SNX27: variants seen among roughly 807,000 people sequenced by gnomAD.
SNX27 encodes the protein sorting nexin-27.
SNX27 carries 22 observed loss-of-function variants against 71.6 expected under a neutral mutation model. The ratio of observed to expected loss-of-function variants is 0.31; its 90% confidence interval spans 0.22 to 0.44. SNX27 has a LOEUF of 0.44. SNX27 is among the 20% of genes least tolerant of loss of function. SNX27 has a pLI of 1.00. For missense variants in SNX27, 531 were observed against 698.6 expected (o/e 0.76, Z 2.70); for synonymous variants, 269 against 277.2 (o/e 0.97, Z 0.29).
At chr1:151,636,287 G>A (rs2102627914) in intron 1 of SNX27, among the ~76,000 whole-genome samples, 1 of 152,220 alleles carries the variant, frequency 6.6e-6, no homozygotes, top group African/African-American at 2.4e-5. Flanking sequence ...TTTTGTTTTG[G>A]TATTTAAGAT....
intron 2 of SNX27, among the ~76,000 whole-genome samples, chr1:151,643,206 C>T (rs76095458): frequency 4.0e-5 from 6 of 151,790 alleles, no homozygotes; most frequent in Non-Finnish European, 7.4e-5. Flanking sequence ...TCAAGTGATC[C>T]GCCCGCCTCG....
intron 2 of SNX27, among the ~76,000 whole-genome samples, chr1:151,654,121 G>C (rs868495768): frequency 1.3e-5 from 2 of 152,148 alleles, no homozygotes; most frequent in Non-Finnish European, 2.9e-5. Context: ...GTGAGCCACC[G>C]TGCCCGGCCG....
chr1:151,626,699 C>CTAAA (rs71090202), intron 1 of SNX27, among the ~76,000 whole-genome samples: 1,726 of 151,010 alleles, frequency 0.011, 21 homozygotes, highest in African/African-American at 0.034. Context: ...AAGACTCCGT[C>CTAAA]TAAATAAATA....
At chr1:151,676,062 G>A (rs1216197884) in intron 7 of SNX27, 2 of 150,346 alleles carry the variant, frequency 1.3e-5, no homozygotes, top group Non-Finnish European at 3.0e-5. Flanking sequence ...GAACTCCTGG[G>A]CTCAGGCAAT....
chr1:151,658,007 A>C (rs1174521276), intron 2 of SNX27, among the ~76,000 whole-genome samples: 3 of 152,082 alleles, frequency 2.0e-5, no homozygotes, highest in South Asian at 2.1e-4. Flanking sequence ...TCTCAAAAAA[A>C]CCCCAAAAAA....
chr1:151,648,057 T>C (rs888340687), intron 2 of SNX27, among the ~76,000 whole-genome samples: 1 of 152,134 alleles, frequency 6.6e-6, no homozygotes, highest in Non-Finnish European at 1.5e-5. Flanking sequence ...TTTTTTGTTT[T>C]TTGTTTTTGT....
intron 2 of SNX27, among the ~76,000 whole-genome samples, chr1:151,655,776 A>G (rs1196463): frequency 0.94 from 143,333 of 152,286 alleles, 67,957 homozygotes; most frequent in Non-Finnish European, 0.99. Flanking sequence ...AGATTGTTCT[A>G]TAAATGGAGA....
chr1:151,667,200 G>C (rs1014074026), intron 6 of SNX27: 1 of 121,190 alleles, frequency 8.3e-6, no homozygotes, highest in Non-Finnish European at 1.6e-5. Flanking sequence ...AGTGAGCTAT[G>C]ATTGTGCTAC....
intron 2 of SNX27, among the ~76,000 whole-genome samples, chr1:151,641,471 T>C (rs766428888): frequency 2.0e-5 from 3 of 151,590 alleles, no homozygotes; most frequent in Non-Finnish European, 4.4e-5. Context: ...GTGTGCTTAA[T>C]GGGCATTCAT....
At position 151,675,418 on chromosome 1, in the gene SNX27, A is replaced by C. The variant is rs563318185; in HGVS notation, c.1149+6783A>C. Among the ~76,000 whole-genome samples the C allele has an allele frequency of 1.2e-4, 18 of 152,216 alleles. No homozygotes were observed. In the East Asian group the frequency reaches 2.9e-3, roughly 24 times the overall value. Reference sequence around the variant, plus strand: ...GGATGTATAATTTTTACATAGTTATAATTCTAATACAGATACAACCTTTTT... The same window carrying C: ...GGATGTATAATTTTTACATAGTTATCATTCTAATACAGATACAACCTTTTT... On this transcript the variant is annotated intron_variant, in intron 7 of 11. Transcript: ENST00000458013.
intron 2 of SNX27, among the ~76,000 whole-genome samples, chr1:151,643,031 T>C (rs945976437): frequency 1.3e-5 from 2 of 152,140 alleles, no homozygotes; most frequent in African/African-American, 4.8e-5. Context: ...CGGCGTGATC[T>C]TGGCTCACTG....
intron 5 of SNX27, among the ~76,000 whole-genome samples, chr1:151,663,214 G>A (rs920557932): frequency 1.2e-4 from 18 of 150,460 alleles, no homozygotes; most frequent in East Asian, 1.2e-3. Context: ...GCAGTGGTGC[G>A]ATCTTGGCTC....
chr1:151,694,678 A>G lies in SNX27; in HGVS notation c.*261A>G, dbSNP rs1180126221. ...AGAAATAAGCCCAACCAACTTGCCA[A>G]AGGTATCTTTGTCCTTTCACCTGGG... On this transcript the variant is annotated 3_prime_UTR_variant, in exon 12 of 12. Transcript: ENST00000458013. 7.6e-6 allele frequency: 3 copies of G among 392,162 alleles called. No homozygotes were observed. Among genetic ancestry groups the G allele is most frequent in the Non-Finnish European group, 1.4e-5 (3 of 219,600 alleles). The allele number at this position is 392,162 out of a possible 1,614,324, so 24.3% of individuals were successfully genotyped here. A position where few individuals can be genotyped will look rare whatever the true frequency, so the allele number is the denominator to read the frequency against.
intron 7 of SNX27, among the ~76,000 whole-genome samples, chr1:151,670,052 C>T (rs927874611): frequency 6.6e-6 from 1 of 152,130 alleles, no homozygotes; most frequent in Admixed American, 6.6e-5. Context: ...TCCCCACTAC[C>T]CTTCCCAGAG....
intron 8 of SNX27, 93 bp downstream of exon 8, chr1:151,683,538 T>G (rs1276782347): frequency 1.4e-5 from 12 of 862,470 alleles, no homozygotes; most frequent in Non-Finnish European, 2.0e-5. Context: ...TACAACCTGG[T>G]TAGTGGCTTA....
At chr1:151,637,740 A>G (rs1355696374) in intron 1 of SNX27, among the ~76,000 whole-genome samples, 1 of 152,220 alleles carries the variant, frequency 6.6e-6, no homozygotes, top group Non-Finnish European at 1.5e-5. Context: ...TATTTCAGAT[A>G]CCAGACTCTG....
At chr1:151,656,089 G>A (rs1476962322) in intron 2 of SNX27, among the ~76,000 whole-genome samples, 1 of 152,194 alleles carries the variant, frequency 6.6e-6, no homozygotes, top group Middle Eastern at 3.4e-3. Context: ...CGGCCATGGT[G>A]GTGGGTGCCT....
chr1:151,690,413 G>T (rs767647068), intron 8 of SNX27, among the ~76,000 whole-genome samples: 6 of 151,974 alleles, frequency 3.9e-5, no homozygotes, highest in Non-Finnish European at 8.8e-5. Context: ...CCTAATTATG[G>T]CTGAGTACTA....
chr1:151,629,586 ATT>A (rs1462300662), intron 1 of SNX27, among the ~76,000 whole-genome samples: 2 of 138,510 alleles, frequency 1.4e-5, no homozygotes, highest in Non-Finnish European at 1.6e-5. Flanking sequence ...TATATATATA[ATT>A]TTTTTTTTTT....
Sources: gnomAD v4.1 joint callset for allele counts (sites outside exome capture counted in the v4.1 genomes callset) on GRCh38, gnomAD v4.1.1 for gene constraint, MANE v1.5 for transcripts, NCBI Gene and HGNC (gene_info 2026-07-23, HGNC 2026-07-21) for gene names.